PARD3B: variants seen among roughly 807,000 people sequenced by gnomAD.
PARD3B encodes par-3 family cell polarity regulator beta, also known as partitioning defective 3 homolog B.
In PARD3B, 103 loss-of-function variants were observed where a neutral mutation model predicts 130.2. That is an observed-to-expected ratio of 0.79 (90% CI 0.67 to 0.93). The LOEUF is 0.93. PARD3B is among the 40% of genes least tolerant of loss of function. The probability of loss-of-function intolerance (pLI) is 0.00; values close to 1 mark genes in which losing one functional copy is unlikely to be tolerated. For synonymous variants in PARD3B, 583 were observed against 553.2 expected, an observed-to-expected ratio of 1.05 and a Z score of -0.76; for missense variants, 1,609 against 1,499.2, an observed-to-expected ratio of 1.07 and a Z score of -1.21.
intron 22 of PARD3B, among the ~76,000 whole-genome samples, chr2:205,578,630 T>A (rs2053852511): frequency 6.6e-6 from 1 of 152,220 alleles, no homozygotes; most frequent in South Asian, 2.1e-4. Flanking sequence ...AAAAATGGTA[T>A]CAAGGTATTG....
At chr2:205,490,265 C>G (rs914069790) in intron 20 of PARD3B, among the ~76,000 whole-genome samples, 2 of 151,406 alleles carry the variant, frequency 1.3e-5, no homozygotes, top group Admixed American at 6.6e-5. Context: ...CCTCCCCACT[C>G]CCCCCACCCC....
chr2:205,603,023 T>C (rs1457884951), intron 22 of PARD3B, among the ~76,000 whole-genome samples: 2 of 152,192 alleles, frequency 1.3e-5, no homozygotes, highest in Non-Finnish European at 2.9e-5. Flanking sequence ...CTCTTAACAC[T>C]GCTTTATCTG....
intron 1 of PARD3B, among the ~76,000 whole-genome samples, chr2:204,604,503 CAT>C (rs1365193975): frequency 6.6e-6 from 1 of 152,078 alleles, no homozygotes; most frequent in Non-Finnish European, 1.5e-5. Flanking sequence ...TCCTGAAAGT[CAT>C]ATGTTTTAAA....
rs1328228953 is a variant in PARD3B at position 205,405,697 on chromosome 2, A to G, written c.2741+4574A>G. Among the ~76,000 whole-genome samples, 1 of 152,192 alleles carries G rather than the reference A, an allele frequency of 6.6e-6. No homozygotes were observed. The highest frequency in any genetic ancestry group is 1.9e-4 in the East Asian group (1 of 5,190). On this transcript the variant is annotated intron_variant, in intron 19 of 22. Coordinates refer to ENST00000406610, the MANE Select transcript of PARD3B (RefSeq NM_001302769.2). This position sits in a 1 kb window ranked among gnomAD's most constrained non-coding sequence, Gnocchi z 4.1. ...TTGATCAGATTGTGGTTGCCACAAAACTTCAGGGGTTGACAATATGTCCGA... is the reference window on the plus strand; with the variant it reads ...TTGATCAGATTGTGGTTGCCACAAAGCTTCAGGGGTTGACAATATGTCCGA...
intron 21 of PARD3B, among the ~76,000 whole-genome samples, chr2:205,522,793 CA>C (rs1416543526): frequency 6.6e-6 from 1 of 152,096 alleles, no homozygotes; most frequent in Non-Finnish European, 1.5e-5. Flanking sequence ...AGGAAACCAT[CA>C]TATTAAATGT....
At chr2:205,540,037 T>C (rs115739562) in intron 21 of PARD3B, among the ~76,000 whole-genome samples, 383 of 152,244 alleles carry the variant, frequency 2.5e-3, no homozygotes, top group African/African-American at 8.5e-3. Flanking sequence ...GGGAGAGGGT[T>C]CCTAGAAACC....
At chr2:204,925,853 G>GT (rs1259110715) in intron 2 of PARD3B, among the ~76,000 whole-genome samples, 1 of 152,048 alleles carries the variant, frequency 6.6e-6, no homozygotes, top group Non-Finnish European at 1.5e-5. Context: ...CCCCTGTGCT[G>GT]TTTTTTGTGA....
At chr2:204,626,828 A>C (rs559887050) in intron 1 of PARD3B, among the ~76,000 whole-genome samples, 1 of 152,132 alleles carries the variant, frequency 6.6e-6, no homozygotes, top group Admixed American at 6.5e-5. Flanking sequence ...TTTCAAAAGT[A>C]AAGCAAAGTT....
intron 2 of PARD3B, among the ~76,000 whole-genome samples, chr2:204,940,889 G>A (rs1688847309): frequency 6.6e-6 from 1 of 150,462 alleles, no homozygotes; most frequent in Non-Finnish European, 1.5e-5. Flanking sequence ...TAAGGAGCTT[G>A]TTATTTATTA....
At chr2:204,940,946 T>G (rs2125801376) in intron 2 of PARD3B, among the ~76,000 whole-genome samples, 1 of 152,170 alleles carries the variant, frequency 6.6e-6, no homozygotes, top group African/African-American at 2.4e-5. Flanking sequence ...GTAAGAGTTA[T>G]AAAAGATGTA....
At chr2:204,853,409 A>C (rs2044789380) in intron 2 of PARD3B, among the ~76,000 whole-genome samples, 1 of 152,206 alleles carries the variant, frequency 6.6e-6, no homozygotes, top group Non-Finnish European at 1.5e-5. Context: ...GAATGTGTGA[A>C]AGTGAAGACA....
chr2:205,466,344 G>C (rs922954929), intron 20 of PARD3B, among the ~76,000 whole-genome samples: 2 of 152,100 alleles, frequency 1.3e-5, no homozygotes, highest in African/African-American at 4.8e-5. Flanking sequence ...AATATTGTTG[G>C]TGCTGTTAGC....
intron 1 of PARD3B, among the ~76,000 whole-genome samples, chr2:204,573,518 G>A (rs2032104045): frequency 6.6e-6 from 1 of 152,140 alleles, no homozygotes; most frequent in African/African-American, 2.4e-5. Context: ...GGAGAGAGAT[G>A]GTTACTTGTC....
intron 2 of PARD3B, among the ~76,000 whole-genome samples, chr2:204,759,361 A>G (rs941460104): frequency 6.6e-6 from 1 of 152,144 alleles, no homozygotes; most frequent in African/African-American, 2.4e-5. Context: ...GCGCACCCAC[A>G]GTTTCATTCC....
chr2:205,598,391 A>C (rs1224447528), intron 22 of PARD3B, among the ~76,000 whole-genome samples: 2 of 152,234 alleles, frequency 1.3e-5, no homozygotes, highest in Non-Finnish European at 2.9e-5. Context: ...CATAATGATA[A>C]AAGGTTCAAT....
intron 2 of PARD3B, among the ~76,000 whole-genome samples, chr2:204,870,834 C>G (rs2045602702): frequency 6.6e-6 from 1 of 152,072 alleles, no homozygotes; most frequent in East Asian, 1.9e-4. Context: ...TGCTTAAATA[C>G]CCATTTGTTT....
At chr2:204,905,819 A>G (rs1050762413) in intron 2 of PARD3B, among the ~76,000 whole-genome samples, 7 of 152,190 alleles carry the variant, frequency 4.6e-5, no homozygotes, top group African/African-American at 1.7e-4. Context: ...TAAAAGGGTT[A>G]GTCGGGGGAA....
intron 18 of PARD3B, among the ~76,000 whole-genome samples, chr2:205,362,052 A>T (rs2044409987): frequency 1.3e-5 from 2 of 151,986 alleles, no homozygotes; most frequent in African/African-American, 2.4e-5. Context: ...ATTCAAACCC[A>T]TTTGCTGTAG....
intron 2 of PARD3B, among the ~76,000 whole-genome samples, chr2:204,920,057 A>G (rs891684154): frequency 6.6e-6 from 1 of 152,002 alleles, no homozygotes; most frequent in Non-Finnish European, 1.5e-5. Flanking sequence ...TTCCTCTTTC[A>G]TGCATAATGG....
Sources: gnomAD v4.1 joint callset for allele counts (sites outside exome capture counted in the v4.1 genomes callset) on GRCh38, gnomAD v4.1.1 for gene constraint, Gnocchi (gnomAD v3.1) non-coding constraint, MANE v1.5 for transcripts, NCBI Gene and HGNC (gene_info 2026-07-23, HGNC 2026-07-21) for gene names.